LY96: variants seen among roughly 807,000 people sequenced by gnomAD.
LY96 encodes myeloid differentiation protein-2.
A neutral mutation model predicts 18.9 loss-of-function variants in LY96; 18 were observed. The observed-to-expected ratio is 0.95, with a 90% CI of 0.66 to 1.41. The LOEUF is 1.41. Among genes scored for constraint, LY96 ranks in the 40% most tolerant of loss-of-function variants. The pLI is 0.00. For missense variants in LY96, 175 were observed against 182.4 expected, an observed-to-expected ratio of 0.96 and a Z score of 0.23; for synonymous variants, 66 against 62.6, an observed-to-expected ratio of 1.06 and a Z score of -0.26.
Position 74,010,072 on chromosome 8 carries a change from G to C in LY96, c.274G>C (p.Glu92Gln). The C allele has an allele frequency of 1.9e-6, 3 of 1,612,216 alleles. No individual in the cohort carries two copies. The highest frequency in any genetic ancestry group is 2.5e-6 in the Non-Finnish European group (3 of 1,178,434). Residue 92 changes from glutamate to glutamine, a missense_variant, in exon 3 of 5, where the codon GAA becomes CAA. Transcript: ENST00000284818. The part of the protein sequence containing the change: ...VNTMNLPKRK[E>Q]VICRGSDDDY... ...CACCATGAATCTTCCAAAGCGCAAA[G>C]AAGTTATTTGCCGAGGATCTGATGA...
chr8:74,059,543 T>C, the LY96 span, among the ~76,000 whole-genome samples: 28 of 152,344 alleles, frequency 1.8e-4, no homozygotes, highest in African/African-American at 6.3e-4. Context: ...ACTTTCCATA[T>C]ACCCGTTGGA....
chr8:74,011,944 G>A (rs1268879194), intron 3 of LY96, among the ~76,000 whole-genome samples: 1 of 102,276 alleles, frequency 9.8e-6, no homozygotes. Flanking sequence ...ATGGTCAATA[G>A]GTATATTACT....
At chr8:74,048,492 C>G in the LY96 span, among the ~76,000 whole-genome samples, 2 of 152,126 alleles carry the variant, frequency 1.3e-5, no homozygotes, top group Non-Finnish European at 2.9e-5. Flanking sequence ...ATGTTGGGAA[C>G]CCAGGGCCCT....
the LY96 span, among the ~76,000 whole-genome samples, chr8:74,049,495 A>G: frequency 1.3e-5 from 2 of 152,222 alleles, no homozygotes. Flanking sequence ...TTTTGATAAC[A>G]TCACCTGAGG....
the LY96 span, among the ~76,000 whole-genome samples, chr8:74,075,083 G>A: frequency 2.4e-4 from 36 of 152,294 alleles, no homozygotes; most frequent in African/African-American, 7.5e-4. Context: ...AAAGAGGGGC[G>A]TTGAAGTCTA....
the LY96 span, among the ~76,000 whole-genome samples, chr8:74,084,934 A>G: frequency 6.6e-6 from 1 of 152,186 alleles, no homozygotes; most frequent in Non-Finnish European, 1.5e-5. Context: ...TCTTAAATTC[A>G]ACTTTGTAGA....
the LY96 span, among the ~76,000 whole-genome samples, chr8:74,088,129 A>AATGGAATGGAATGGAATGGAATGGAATG: frequency 1.3e-5 from 2 of 151,006 alleles, no homozygotes; most frequent in African/African-American, 2.5e-5. Context: ...AGAATAGAAT[A>AATGGAATGGAATGGAATGGAATGGAATG]GAATAGAATA....
the LY96 span, among the ~76,000 whole-genome samples, chr8:74,046,965 G>A: frequency 6.9e-6 from 1 of 145,654 alleles, no homozygotes; most frequent in Non-Finnish European, 1.5e-5. Flanking sequence ...GCAGATGCAT[G>A]ATCTTGGCTC....
the LY96 span, among the ~76,000 whole-genome samples, chr8:74,073,640 AATTTATTTATTTATTTATTTATTT>A: frequency 6.9e-6 from 1 of 145,250 alleles, no homozygotes; most frequent in Admixed American, 6.9e-5. Flanking sequence ...GAGATTGATG[AATTTATTTATTTATTTATTTATTT>A]ATTTATTTAT....
Position 74,026,826 on chromosome 8 carries a change from A to G in LY96, c.369A>G (p.Gly123=). The G allele has an allele frequency of 6.6e-7, 1 of 1,523,986 alleles. No homozygotes were observed. Among genetic ancestry groups the G allele is most frequent in the Non-Finnish European group, 9.1e-7 (1 of 1,098,890 alleles). The allele number at this position is 1,523,986 out of a possible 1,614,324, so 94.4% of individuals were successfully genotyped here. A position where few individuals can be genotyped will look rare whatever the true frequency, so the allele number is the denominator to read the frequency against. Residue 123 remains glycine, a synonymous_variant, in exon 4 of 5, where the codon GGA becomes GGG. Transcript: ENST00000284818. ...VNTTISFSFK[G]IKFSKGKYKC... ...CAACAATATCATTCTCCTTCAAGGG[A>G]ATAAAATTTTCTAAGGTATTGTTCA...
chr8:74,052,949 T>G, the LY96 span, among the ~76,000 whole-genome samples: 1 of 152,180 alleles, frequency 6.6e-6, no homozygotes, highest in African/African-American at 2.4e-5. Flanking sequence ...GTAAATTAGA[T>G]TTTTATGTGA....
the LY96 span, among the ~76,000 whole-genome samples, chr8:74,047,524 A>C: frequency 6.6e-6 from 1 of 152,196 alleles, no homozygotes; most frequent in Admixed American, 6.5e-5. Flanking sequence ...CATCATGCCC[A>C]GTAATATAAT....
rs1816880141 is a variant in LY96, at chr8:74,026,774, A to G, written c.332-15A>G. 6.8e-7 allele frequency: 1 copy of G among 1,467,572 alleles called. No homozygotes were observed. 90.9% of individuals were successfully genotyped at this position (1,467,572 alleles called of 1,614,324 possible). On this transcript the variant is annotated splice_polypyrimidine_tract_variant and intron_variant, in intron 3 of 4. Transcript: ENST00000284818. ...CGTGACCAATAACGTTTTGTATTTT[A>G]TATTTTGTTTGCAGAGACTGTGAAT...
intron 3 of LY96, among the ~76,000 whole-genome samples, chr8:74,020,806 A>G (rs765536643): frequency 5.9e-5 from 9 of 152,246 alleles, no homozygotes; most frequent in South Asian, 4.1e-4. Context: ...CCTGACAAAA[A>G]CAAGCAATGG....
At chr8:74,066,528 A>G in the LY96 span, among the ~76,000 whole-genome samples, 17 of 152,284 alleles carry the variant, frequency 1.1e-4, no homozygotes, top group East Asian at 9.7e-4. Context: ...GCAGGTATGC[A>G]TATGTATTTT....
chr8:74,084,739 G>A, the LY96 span, among the ~76,000 whole-genome samples: 4 of 151,902 alleles, frequency 2.6e-5, no homozygotes, highest in East Asian at 1.9e-4. Context: ...TCAGCCTCCC[G>A]AGTAGCTGGG....
downstream of LY96, among the ~76,000 whole-genome samples, chr8:74,030,977 G>A (rs1816960741): frequency 6.6e-6 from 1 of 152,220 alleles, no homozygotes; most frequent in African/African-American, 2.4e-5. Flanking sequence ...GTTTGAACCA[G>A]CTTACTTTCA....
the LY96 span, among the ~76,000 whole-genome samples, chr8:74,081,117 C>CTTTCTTTCTTTCT: frequency 7.3e-6 from 1 of 137,826 alleles, no homozygotes; most frequent in East Asian, 2.1e-4. Flanking sequence ...TTCTTTCTTT[C>CTTTCTTTCTTTCT]TTTCTTTCCT....
At chr8:74,084,917 C>T in the LY96 span, among the ~76,000 whole-genome samples, 4 of 152,190 alleles carry the variant, frequency 2.6e-5, no homozygotes, top group Non-Finnish European at 4.4e-5. Context: ...ACCCAGCCCT[C>T]TCTTTCTCTT....
Sources: allele counts gnomAD v4.1 joint callset (sites outside exome capture counted in the v4.1 genomes callset), GRCh38; gene constraint gnomAD v4.1.1; transcripts MANE v1.5; gene names NCBI Gene and HGNC (gene_info 2026-07-23, HGNC 2026-07-21).